Variants in GALNT11 observed in about 807,000 individuals in gnomAD.
GALNT11 encodes UDP-GalNAc:polypeptide N-acetylgalactosaminyltransferase 11.
GALNT11 carries 47 observed loss-of-function variants against 72.7 expected under a neutral mutation model. The ratio of observed to expected loss-of-function variants is 0.65; its 90% confidence interval spans 0.51 to 0.82. GALNT11 has a LOEUF of 0.82. Ranked by LOEUF, GALNT11 falls within the 40% of genes least tolerant of loss-of-function variation. The pLI is 0.00. For synonymous variants in GALNT11, 270 were observed against 286.6 expected, an observed-to-expected ratio of 0.94 and a Z score of 0.58; for missense variants, 677 against 778.4, an observed-to-expected ratio of 0.87 and a Z score of 1.55.
intron 6 of GALNT11, among the ~76,000 whole-genome samples, chr7:152,108,796 T>C (rs551727543): frequency 5.1e-4 from 78 of 152,348 alleles, no homozygotes; most frequent in Middle Eastern, 3.4e-3. Context: ...ATAAAGCTGC[T>C]CTTATTTTTG....
intron 11 of GALNT11, 49 bp downstream of exon 11, chr7:152,121,017 TTGAG>T (rs753052938): frequency 6.3e-7 from 1 of 1,590,416 alleles, no homozygotes; most frequent in South Asian, 1.1e-5. Flanking sequence ...GCCCACAAGG[TTGAG>T]TGAGGGAGTG....
intron 1 of GALNT11, chr7:152,075,027 C>G (rs1334249211): frequency 6.6e-6 from 1 of 152,198 alleles, no homozygotes; most frequent in African/African-American, 2.4e-5. Context: ...TCTCTGGGAT[C>G]TTTTACCTTA....
rs954057323 is a variant in GALNT11, at chr7:152,086,983, T to G, written c.-38-7207T>G. On this transcript the variant is annotated intron_variant, in intron 1 of 11. Coordinates refer to ENST00000430044, the MANE Select transcript of GALNT11 (RefSeq NM_022087.4). Reference sequence around the variant, plus strand: ...TAGCCCAAACAAGATAGTAACAGATTTGTTTAGAAATTTGCAAGCATGTTG... The same window carrying G: ...TAGCCCAAACAAGATAGTAACAGATGTGTTTAGAAATTTGCAAGCATGTTG... Among the ~76,000 whole-genome samples the G allele has an allele frequency of 2.6e-5, 4 of 152,174 alleles. No individual in the cohort carries two copies. The East Asian group carries it at 5.8e-4, about 22-fold the overall frequency.
chr7:152,071,554 C>T (rs1477308250), intron 1 of GALNT11, among the ~76,000 whole-genome samples: 7 of 152,090 alleles, frequency 4.6e-5, no homozygotes, highest in Admixed American at 4.6e-4. Flanking sequence ...GCAGTTAATG[C>T]AATTATCATA....
intron 1 of GALNT11, among the ~76,000 whole-genome samples, chr7:152,072,953 C>T (rs77436056): frequency 0.02 from 3,054 of 152,254 alleles, 92 homozygotes; most frequent in African/African-American, 0.068. Context: ...TCTGCGACAT[C>T]GGGGAATAAG....
Position 152,034,009 on chromosome 7 carries a change from T to A in GALNT11, c.-39+8125T>A, listed in dbSNP as rs535281982. On this transcript the variant is annotated intron_variant, in intron 1 of 11. Coordinates refer to ENST00000430044, the MANE Select transcript of GALNT11 (RefSeq NM_022087.4). Reference sequence around the variant, plus strand: ...GACATCTGTGTACCTATCAGGATCATCTGAAAACTTACCCAGGTCTGCCTT... The same window carrying A: ...GACATCTGTGTACCTATCAGGATCAACTGAAAACTTACCCAGGTCTGCCTT... Among the ~76,000 whole-genome samples the A allele has an allele frequency of 1.3e-5, 2 of 152,172 alleles. 1 individual carries two copies. The highest frequency in any genetic ancestry group is 4.8e-5 in the African/African-American group (2 of 41,440).
chr7:152,096,083 AT>A (rs1246256646), intron 2 of GALNT11, among the ~76,000 whole-genome samples: 3 of 152,246 alleles, frequency 2.0e-5, no homozygotes, highest in Admixed American at 2.0e-4. Context: ...CAAGATTTGT[AT>A]GCTGAAAACT....
intron 1 of GALNT11, among the ~76,000 whole-genome samples, chr7:152,058,980 G>A (rs189717774): frequency 2.0e-5 from 3 of 148,346 alleles, no homozygotes; most frequent in East Asian, 1.9e-4. Context: ...TGAACCTGTC[G>A]GTCAAGGTTG....
intron 1 of GALNT11, among the ~76,000 whole-genome samples, chr7:152,034,560 T>C (rs776411086): frequency 2.6e-5 from 4 of 152,132 alleles, no homozygotes; most frequent in Non-Finnish European, 5.9e-5. Flanking sequence ...GATGCCTGAT[T>C]GTTTCCCATC....
At chr7:152,085,270 G>T (rs534734715) in intron 1 of GALNT11, among the ~76,000 whole-genome samples, 1 of 152,272 alleles carries the variant, frequency 6.6e-6, no homozygotes, top group Non-Finnish European at 1.5e-5. Flanking sequence ...GAAGAAAAAC[G>T]TAAAACCATA....
chr7:152,063,483 G>A (rs547029046), intron 1 of GALNT11, among the ~76,000 whole-genome samples: 1 of 152,164 alleles, frequency 6.6e-6, no homozygotes, highest in South Asian at 2.1e-4. Flanking sequence ...TCTGATCTTG[G>A]TTATTTCTTG....
intron 1 of GALNT11, among the ~76,000 whole-genome samples, chr7:152,093,585 C>G (rs985608236): frequency 3.3e-5 from 5 of 151,946 alleles, no homozygotes; most frequent in African/African-American, 1.2e-4. Flanking sequence ...CCCACCACAA[C>G]CCTCAGCTAA....
rs942873385 is a variant in GALNT11, at chr7:152,101,644, G to GC, written c.419+723_419+724insC. On this transcript the variant is annotated intron_variant, in intron 3 of 11. Coordinates refer to ENST00000430044, the MANE Select transcript of GALNT11 (RefSeq NM_022087.4). ...TCTCTAAGTTCATGGCTTTTTTTTG[G>GC]GGGGGGGGGGATGGAGTCTTTCTCT... Among the ~76,000 whole-genome samples, 10 of 123,358 alleles carry GC rather than the reference G, an allele frequency of 8.1e-5. 1 individual carries two copies. The highest frequency in any genetic ancestry group is 3.3e-4 in the African/African-American group (10 of 29,992). 80.9% of individuals were successfully genotyped at this position (123,358 alleles called of 152,430 possible).
At chr7:152,041,142 C>T (rs1328658095) in intron 1 of GALNT11, among the ~76,000 whole-genome samples, 1 of 152,156 alleles carries the variant, frequency 6.6e-6, no homozygotes, top group Admixed American at 6.5e-5. Flanking sequence ...GATAAGGTTT[C>T]AGGTATCTTG....
intron 1 of GALNT11, among the ~76,000 whole-genome samples, chr7:152,065,186 G>C (rs2084239220): frequency 6.6e-6 from 1 of 151,958 alleles, no homozygotes; most frequent in South Asian, 2.1e-4. Context: ...TTCTCTTCTT[G>C]CTTCATTTCA....
At chr7:152,074,037 T>C (rs1384854043) in intron 1 of GALNT11, among the ~76,000 whole-genome samples, 1 of 152,228 alleles carries the variant, frequency 6.6e-6, no homozygotes, top group African/African-American at 2.4e-5. Context: ...TTATTCTGGG[T>C]ATTAATCCCC....
intron 2 of GALNT11, among the ~76,000 whole-genome samples, chr7:152,099,873 TC>T (rs2086703668): frequency 6.6e-6 from 1 of 150,650 alleles, no homozygotes; most frequent in Non-Finnish European, 1.5e-5. Context: ...CAAGCAGTCT[TC>T]CTGCCTCAGC....
At chr7:152,096,566 T>G (rs1457860996) in intron 2 of GALNT11, among the ~76,000 whole-genome samples, 5 of 151,610 alleles carry the variant, frequency 3.3e-5, no homozygotes, top group Non-Finnish European at 7.4e-5. Flanking sequence ...AAATACAAAA[T>G]TAGGTGGGCG....
intron 1 of GALNT11, among the ~76,000 whole-genome samples, chr7:152,077,869 A>T (rs987882430): frequency 3.3e-5 from 5 of 152,140 alleles, no homozygotes; most frequent in Non-Finnish European, 7.3e-5. Context: ...GCTAAAGCAT[A>T]TGTTTATTAT....
Sources: gnomAD v4.1 joint callset for allele counts (sites outside exome capture counted in the v4.1 genomes callset) on GRCh38, gnomAD v4.1.1 for gene constraint, MANE v1.5 for transcripts, NCBI Gene and HGNC (gene_info 2026-07-23, HGNC 2026-07-21) for gene names.